Variants in ZFHX3 observed in about 807,000 individuals in gnomAD.
ZFHX3 encodes zinc finger homeobox 3.
A neutral mutation model predicts 279.1 loss-of-function variants in ZFHX3; 42 were observed. That is an observed-to-expected ratio of 0.15 (90% confidence interval 0.12 to 0.19). The LOEUF (loss-of-function observed/expected upper bound fraction) is 0.19. ZFHX3 is among the 10% of genes least tolerant of loss of function. ZFHX3 has a pLI of 1.00. For synonymous variants in ZFHX3, 2,293 were observed against 1,957.8 expected (o/e 1.17, Z -4.52); for missense variants, 4,981 against 4,754.0 (o/e 1.05, Z -1.40).
At position 73,229,463 on chromosome 16, in the gene ZFHX3, A is replaced by C. The variant is rs2012703514; in HGVS notation, c.-1104+27584T>G. Among the ~76,000 whole-genome samples, 5 of 152,372 alleles carry C rather than the reference A, an allele frequency of 3.3e-5. No individual in the cohort carries two copies. The South Asian group carries it at 1.0e-3, about 32-fold the overall frequency. The stretch of plus-strand genomic sequence containing the variant: ...TCCCATCTGGATATAGGAGAAAGTC[A>C]AACATTACAATGTATAACTACATTA... On this transcript the variant is annotated intron_variant, in intron 5 of 17. Coordinates refer to the ZFHX3 transcript ENST00000641206.
chr16:73,048,150 A>C (rs1479672400), upstream of ZFHX3: 3 of 153,156 alleles, frequency 2.0e-5, no homozygotes, highest in Non-Finnish European at 2.9e-5. Context: ...CGCAGTTTGC[A>C]GCGCGCACCG....
chr16:73,759,524 C>T (rs13337154), intron 1 of ZFHX3, among the ~76,000 whole-genome samples: 31,136 of 152,044 alleles, frequency 0.2, 3,594 homozygotes, highest in Middle Eastern at 0.26. Flanking sequence ...GAGAGCTATC[C>T]CTGAAACCTG....
chr16:73,232,999 G>A (rs188120423), intron 5 of ZFHX3: 5 of 151,624 alleles, frequency 3.3e-5, no homozygotes, highest in Non-Finnish European at 7.4e-5. Context: ...TGGGGGTGGG[G>A]GGTAGTGGTG....
chr16:73,838,622 C>T (rs992494400), intron 1 of ZFHX3, among the ~76,000 whole-genome samples: 1 of 152,114 alleles, frequency 6.6e-6, no homozygotes, highest in African/African-American at 2.4e-5. Flanking sequence ...CAGGTATCAA[C>T]AGGTCTTTTT....
intron 2 of ZFHX3, among the ~76,000 whole-genome samples, chr16:73,462,580 A>G (rs1002257818): frequency 6.6e-6 from 1 of 152,150 alleles, no homozygotes; most frequent in Non-Finnish European, 1.5e-5. Context: ...AAGTTGATGA[A>G]GTTACTATTT....
chr16:72,847,584 C>G (rs1358754702), intron 4 of ZFHX3, among the ~76,000 whole-genome samples: 2 of 152,004 alleles, frequency 1.3e-5, no homozygotes, highest in African/African-American at 4.8e-5. Flanking sequence ...CTTCCGCAGC[C>G]AAGGGAAAAG....
intron 3 of ZFHX3, among the ~76,000 whole-genome samples, chr16:73,393,490 A>G (rs1567470276): frequency 6.6e-6 from 1 of 152,220 alleles, no homozygotes; most frequent in African/African-American, 2.4e-5. Flanking sequence ...GATCAAAATT[A>G]TGAACTCAGA....
Position 73,334,810 on chromosome 16 carries a change from CTTTTTTTTTTTTT to C in ZFHX3, c.-1290-16487_-1290-16475del, listed in dbSNP as rs368597124. 2.2e-4 allele frequency among the ~76,000 whole-genome samples: 13 copies of C among 57,916 alleles called. 1 individual carries two copies. The highest frequency in any genetic ancestry group is 6.9e-4 in the South Asian group (1 of 1,442). The allele number at this position is 57,916 out of a possible 152,430, so 38.0% of individuals were successfully genotyped here. A position where few individuals can be genotyped will look rare whatever the true frequency, so the allele number is the denominator to read the frequency against. On this transcript the variant is annotated intron_variant, in intron 3 of 17. Transcript: ENST00000641206. ...TCTTTTCCTCCTTTTCTTTCTCATTCTTTTTTTTTTTTTTTTTTTTTTTTTTGCAAAATGAATG... is the reference window on the plus strand; with the variant it reads ...TCTTTTCCTCCTTTTCTTTCTCATTCTTTTTTTTTTTTTGCAAAATGAATG...
chr16:73,507,252 G>C (rs8061119), intron 2 of ZFHX3, among the ~76,000 whole-genome samples: 2,794 of 152,224 alleles, frequency 0.018, 100 homozygotes, highest in African/African-American at 0.065. Flanking sequence ...GAAAAACGAG[G>C]TAATATAGAA....
At chr16:73,399,852 G>GTGTGTGTGTA (rs1336173772) in intron 3 of ZFHX3, among the ~76,000 whole-genome samples, 2 of 151,262 alleles carry the variant, frequency 1.3e-5, no homozygotes, top group African/African-American at 4.9e-5. Context: ...GTGTGTGTGT[G>GTGTGTGTGTA]TGTGTGTGTG....
chr16:73,028,111 G>A (rs1300677056), intron 1 of ZFHX3, among the ~76,000 whole-genome samples: 7 of 152,122 alleles, frequency 4.6e-5, no homozygotes, highest in African/African-American at 1.4e-4. Flanking sequence ...GCCCCTCCGG[G>A]ACCCTGCGGC....
At chr16:73,724,496 C>G (rs2053501750) in intron 1 of ZFHX3, among the ~76,000 whole-genome samples, 1 of 152,166 alleles carries the variant, frequency 6.6e-6, no homozygotes, top group South Asian at 2.1e-4. Flanking sequence ...CTTGGGGTGC[C>G]TAGTTGGCCA....
intron 4 of ZFHX3, among the ~76,000 whole-genome samples, chr16:72,872,169 A>G (rs1440591040): frequency 6.6e-6 from 1 of 152,196 alleles, no homozygotes; most frequent in Non-Finnish European, 1.5e-5. Flanking sequence ...CCCCAGTCCA[A>G]TTATATAATT....
intron 3 of ZFHX3, among the ~76,000 whole-genome samples, chr16:73,405,148 T>C (rs1340504510): frequency 6.6e-6 from 1 of 152,196 alleles, no homozygotes; most frequent in African/African-American, 2.4e-5. Context: ...ATCAGTGTTG[T>C]TCTGAGCATC....
chr16:73,871,775 G>A (rs1254704485), intron 1 of ZFHX3, among the ~76,000 whole-genome samples: 3 of 152,130 alleles, frequency 2.0e-5, no homozygotes, highest in Non-Finnish European at 4.4e-5. Context: ...TCTGGTGGTA[G>A]TTGTTTCATA....
chr16:73,881,481 C>CA (rs2030155678), intron 1 of ZFHX3, among the ~76,000 whole-genome samples: 1 of 20,420 alleles, frequency 4.9e-5, no homozygotes, highest in Non-Finnish European at 1.1e-4. Context: ...TCTCTCTCTG[C>CA]CCCCCCCCCC....
At chr16:73,154,756 T>G (rs1409901489) in intron 5 of ZFHX3, among the ~76,000 whole-genome samples, 1 of 152,164 alleles carries the variant, frequency 6.6e-6, no homozygotes, top group East Asian at 1.9e-4. Flanking sequence ...TTCAAGAGCT[T>G]CATACTACTA....
chr16:72,794,186 G>A lies in ZFHX3; in HGVS notation c.8496C>T (p.Asn2832=), dbSNP rs537276285. The change falls in exon 9 of 10, where the codon AAC becomes AAT. Residue 2832 remains asparagine, a synonymous_variant. Transcript: ENST00000268489. The surrounding 1 kb of genome is among the most constrained non-coding windows in gnomAD (Gnocchi z 4.2). Reference sequence around the variant, plus strand: ...CTGTGTTGACAGAGGAACAGTCATCGTTGTCCAGCTTAGTTTGGTCAAAGT... The same window carrying A: ...CTGTGTTGACAGAGGAACAGTCATCATTGTCCAGCTTAGTTTGGTCAAAGT... ...NLNFDQTKLD[N]DDCSSVNTAI... 117 of 1,614,078 alleles carry A rather than the reference G, an allele frequency of 7.2e-5. 2 individuals carry two copies. Among genetic ancestry groups the A allele is most frequent in the South Asian group, 2.1e-4 (19 of 91,090 alleles).
Position 73,349,647 on chromosome 16 carries a change from TCTC to T in ZFHX3, c.-1290-31314_-1290-31312del, listed in dbSNP as rs2016191303. Among the ~76,000 whole-genome samples, 15 of 14,610 alleles carry T rather than the reference TCTC, an allele frequency of 1.0e-3. 1 individual carries two copies. The highest frequency in any genetic ancestry group is 5.6e-3 in the Admixed American group (8 of 1,416). The allele number at this position is 14,610 out of a possible 152,430, so 9.6% of individuals were successfully genotyped here. On this transcript the variant is annotated intron_variant, in intron 3 of 17. Coordinates refer to the ZFHX3 transcript ENST00000641206. ...CTTCCTCCCTCCCTCCCTCCCTCCC[TCTC>T]TCCCTCCTTCCCTCTCTCCCTCCTT...
Sources: gnomAD v4.1 joint callset for allele counts (sites outside exome capture counted in the v4.1 genomes callset) on GRCh38, gnomAD v4.1.1 for gene constraint, Gnocchi (gnomAD v3.1) non-coding constraint, MANE v1.5 for transcripts, NCBI Gene and HGNC (gene_info 2026-07-23, HGNC 2026-07-21) for gene names.